Variants in PPP2R3A observed in about 807,000 individuals in gnomAD.
The protein encoded by PPP2R3A is serine/threonine-protein phosphatase 2A regulatory subunit B'' subunit alpha.
A neutral mutation model predicts 106.9 loss-of-function variants in PPP2R3A; 80 were observed. The observed-to-expected ratio is 0.75, with a 90% CI of 0.62 to 0.90. The LOEUF (loss-of-function observed/expected upper bound fraction) is 0.90. PPP2R3A is among the 40% of genes least tolerant of loss of function. The pLI is 0.00. For missense variants in PPP2R3A, 1,386 were observed against 1,350.4 expected (o/e 1.03, Z -0.41); for synonymous variants, 483 against 468.3 (o/e 1.03, Z -0.41).
At chr3:136,037,473 G>A (rs1935122815) in intron 3 of PPP2R3A, among the ~76,000 whole-genome samples, 1 of 152,212 alleles carries the variant, frequency 6.6e-6, no homozygotes, top group Non-Finnish European at 1.5e-5. Context: ...GCAGAAAGTT[G>A]AGGAAAAGGA....
At chr3:136,017,874 T>TAAG (rs1315260009) in intron 2 of PPP2R3A, among the ~76,000 whole-genome samples, 2 of 152,238 alleles carry the variant, frequency 1.3e-5, no homozygotes, top group Non-Finnish European at 2.9e-5. Context: ...TTATTCCAAC[T>TAAG]GCCTTTCCTA....
chr3:135,983,386 C>G (rs1576410520), intron 1 of PPP2R3A, among the ~76,000 whole-genome samples: 2 of 152,232 alleles, frequency 1.3e-5, no homozygotes, highest in Admixed American at 1.3e-4. Flanking sequence ...CGTCTGCTTC[C>G]CTGATTCATC....
chr3:136,045,037 A>G (rs1935425074), intron 4 of PPP2R3A, among the ~76,000 whole-genome samples: 2 of 152,164 alleles, frequency 1.3e-5, no homozygotes, highest in African/African-American at 4.8e-5. Flanking sequence ...ATATTCCTCT[A>G]AGAGGCTCTA....
intron 1 of PPP2R3A, among the ~76,000 whole-genome samples, chr3:135,991,983 C>T (rs1302614739): frequency 6.6e-6 from 1 of 152,176 alleles, no homozygotes; most frequent in African/African-American, 2.4e-5. Context: ...CCCATGTATA[C>T]ACTTTCTTTG....
At chr3:136,132,662 G>A (rs1235193745) in intron 13 of PPP2R3A, among the ~76,000 whole-genome samples, 1 of 152,036 alleles carries the variant, frequency 6.6e-6, no homozygotes, top group East Asian at 1.9e-4. Flanking sequence ...GCTCAGCGTT[G>A]TTAAAATGTC....
intron 8 of PPP2R3A, among the ~76,000 whole-genome samples, chr3:136,084,154 G>A (rs1002421181): frequency 6.6e-6 from 1 of 152,214 alleles, no homozygotes; most frequent in East Asian, 1.9e-4. Flanking sequence ...CCCATCACAG[G>A]CCTGGAGGCC....
At chr3:135,998,326 G>A (rs934091372) in intron 1 of PPP2R3A, among the ~76,000 whole-genome samples, 2 of 152,180 alleles carry the variant, frequency 1.3e-5, no homozygotes, top group African/African-American at 4.8e-5. Flanking sequence ...TGATTCAGAT[G>A]CTCCCTCTCA....
intron 1 of PPP2R3A, among the ~76,000 whole-genome samples, chr3:136,000,594 G>A (rs1182666877): frequency 2.6e-5 from 4 of 152,186 alleles, no homozygotes; most frequent in Admixed American, 2.6e-4. Flanking sequence ...GGTGTTGGTA[G>A]TCTTTGAGAA....
intron 5 of PPP2R3A, chr3:136,055,511 G>C: frequency 8.3e-7 from 1 of 1,207,510 alleles, no homozygotes. Context: ...GAGATTACAG[G>C]TTCTATCGTG....
chr3:136,136,541 T>TA (rs36018380), intron 13 of PPP2R3A, among the ~76,000 whole-genome samples: 68 of 151,146 alleles, frequency 4.5e-4, no homozygotes, highest in African/African-American at 8.5e-4. Context: ...ATATTAATGC[T>TA]AAAAAAAAAT....
At chr3:135,982,540 A>G (rs778763685) in intron 1 of PPP2R3A, among the ~76,000 whole-genome samples, 13 of 152,216 alleles carry the variant, frequency 8.5e-5, no homozygotes, top group African/African-American at 3.1e-4. Context: ...CACATACCAC[A>G]TATATGACCA....
At chr3:136,119,462 T>G (rs763142453) in intron 13 of PPP2R3A, among the ~76,000 whole-genome samples, 1 of 152,176 alleles carries the variant, frequency 6.6e-6, no homozygotes, top group Non-Finnish European at 1.5e-5. Context: ...TTTTGCAATC[T>G]ATCCATCTGA....
chr3:136,137,581 G>A (rs1435819551), intron 13 of PPP2R3A, among the ~76,000 whole-genome samples: 10 of 86,724 alleles, frequency 1.2e-4, no homozygotes, highest in East Asian at 3.0e-4. Flanking sequence ...TCGCTCTGTC[G>A]CCTAGGCTGG....
chr3:136,011,019 C>T (rs1934051246), intron 2 of PPP2R3A, among the ~76,000 whole-genome samples: 1 of 152,148 alleles, frequency 6.6e-6, no homozygotes, highest in Non-Finnish European at 1.5e-5. Flanking sequence ...TCCAGTTCCT[C>T]CTCTAGCCCT....
chr3:135,970,207 C>A (rs1192514162), intron 1 of PPP2R3A, among the ~76,000 whole-genome samples: 1 of 152,150 alleles, frequency 6.6e-6, no homozygotes, highest in Non-Finnish European at 1.5e-5. Flanking sequence ...TCAGGCCCAG[C>A]ATTTTGAAGT....
chr3:136,003,575 G>A (rs1193921869), intron 2 of PPP2R3A, 82 bp downstream of exon 2: 1 of 1,342,624 alleles, frequency 7.4e-7, no homozygotes, highest in Admixed American at 2.5e-5. Flanking sequence ...AAACTTTTTT[G>A]TTAGCCATTT....
chr3:135,973,743 TA>T (rs751516005), intron 1 of PPP2R3A, among the ~76,000 whole-genome samples: 1 of 152,216 alleles, frequency 6.6e-6, no homozygotes, highest in Non-Finnish European at 1.5e-5. Context: ...TAAGACTGTT[TA>T]AATGGCTAGT....
chr3:136,136,591 G>A (rs754945910), intron 13 of PPP2R3A, among the ~76,000 whole-genome samples: 10 of 152,210 alleles, frequency 6.6e-5, no homozygotes, highest in Non-Finnish European at 1.2e-4. Context: ...AGCTCCTCAG[G>A]GGCCAAGAAC....
At chr3:136,142,754 CAAAT>C (rs1255310139) in intron 13 of PPP2R3A, among the ~76,000 whole-genome samples, 1 of 152,130 alleles carries the variant, frequency 6.6e-6, no homozygotes, top group African/African-American at 2.4e-5. Context: ...AACAGGAGTT[CAAAT>C]ATTTACTGAA....
Sources: gnomAD v4.1 joint callset for allele counts (sites outside exome capture counted in the v4.1 genomes callset) on GRCh38, gnomAD v4.1.1 for gene constraint, MANE v1.5 for transcripts, NCBI Gene and HGNC (gene_info 2026-07-23, HGNC 2026-07-21) for gene names.